GOLGA3: variants seen among roughly 807,000 people sequenced by gnomAD.
GOLGA3 encodes golgin subfamily A member 3.
Under a neutral mutation model 169.4 loss-of-function variants are expected in GOLGA3, and 75 were observed. That is an observed-to-expected ratio of 0.44 (90% CI 0.37 to 0.54). GOLGA3 has a LOEUF of 0.54. Ranked by LOEUF, GOLGA3 falls within the 20% of genes least tolerant of loss-of-function variation. GOLGA3 has a pLI of 0.00. For missense variants in GOLGA3, 1,899 were observed against 1,930.0 expected (o/e 0.98, Z 0.30); for synonymous variants, 824 against 822.4 (o/e 1.00, Z -0.03).
chr12:132,807,164 G>A lies in GOLGA3; in HGVS notation c.1290+13C>T, dbSNP rs756309528. On this transcript the variant is annotated intron_variant, in intron 6 of 23. Transcript: ENST00000450791. ...TTCGCCGCACGCTGAGATGTCAGTC[G>A]AACGTCCGTTACCTGACTCGCCTCC... is the stretch of plus-strand genomic sequence containing the variant. The A allele has an allele frequency of 2.6e-6, 4 of 1,533,936 alleles. No homozygotes were observed. Among genetic ancestry groups the A allele is most frequent in the Middle Eastern group, 1.7e-4 (1 of 5,962 alleles).
chr12:132,776,906 C>T (rs943753699), intron 20 of GOLGA3, 52 bp downstream of exon 20: 117 of 1,547,594 alleles, frequency 7.6e-5, no homozygotes, highest in Non-Finnish European at 1.0e-4. Context: ...GTGAAGTCAC[C>T]CAGGGCACCC....
rs146678000 is a variant in GOLGA3, at chr12:132,808,152, C to A, written c.917G>T (p.Ser306Ile). 103 of 1,612,114 alleles carry A rather than the reference C, an allele frequency of 6.4e-5. No individual in the cohort carries two copies. The Middle Eastern group carries it at 1.2e-3, about 18-fold the overall frequency. The change falls in exon 5 of 24, where the codon AGC (serine) becomes ATC (isoleucine). Residue 306 changes from serine to isoleucine, a missense_variant. Coordinates refer to ENST00000450791, the MANE Select transcript of GOLGA3 (RefSeq NM_001389683.1). Reference sequence around the variant, plus strand: ...GTCATTTCCATCCACCTCAGACACGCTGTCTCCAGCCAGGGAGGTGTTCTC... The same window carrying A: ...GTCATTTCCATCCACCTCAGACACGATGTCTCCAGCCAGGGAGGTGTTCTC... Reference protein sequence around the residue: ...RLENTSLAGDSVSEVDGNDSD... With the variant: ...RLENTSLAGDIVSEVDGNDSD...
At position 132,808,097 on chromosome 12, in the gene GOLGA3, G is replaced by A. The variant is rs1465059796; in HGVS notation, c.972C>T (p.Ser324=). The change falls in exon 5 of 24, where the codon TCC becomes TCT. Residue 324 remains serine, a synonymous_variant. Coordinates refer to ENST00000450791, the MANE Select transcript of GOLGA3 (RefSeq NM_001389683.1). ...ACAGAATGCCATAGGTCCCTCGGGTGGAGGCGCTGCTGTACGATGAGCTGT... is the reference window on the plus strand; with the variant it reads ...ACAGAATGCCATAGGTCCCTCGGGTAGAGGCGCTGCTGTACGATGAGCTGT... The part of the protein sequence containing the change: ...DSDSSSYSSA[S]TRGTYGILSK... 1.3e-6 allele frequency: 2 copies of A among 1,597,974 alleles called. No homozygotes were observed. Among genetic ancestry groups the A allele is most frequent in the East Asian group, 2.2e-5 (1 of 44,716 alleles).
chr12:132,799,405 C>T (rs370233492), intron 8 of GOLGA3, among the ~76,000 whole-genome samples: 3 of 152,206 alleles, frequency 2.0e-5, no homozygotes, highest in African/African-American at 4.8e-5. Flanking sequence ...AATCCCAGCA[C>T]GCTGGGAGGA....
intron 3 of GOLGA3, among the ~76,000 whole-genome samples, chr12:132,815,580 T>C (rs1417287745): frequency 6.6e-6 from 1 of 152,234 alleles, no homozygotes; most frequent in Admixed American, 6.5e-5. Flanking sequence ...GTTGTTGTTA[T>C]TTAGTTTTAA....
At chr12:132,826,101 G>A in intron 1 of GOLGA3, 2 of 1,510,784 alleles carry the variant, frequency 1.3e-6, no homozygotes, top group South Asian at 1.1e-5. Context: ...TGCCGGCCTT[G>A]CCGGCCTCTG....
Position 132,804,900 on chromosome 12 carries a change from G to A in GOLGA3, c.1413C>T (p.Asp471=). ...QRQDSLSSEV[D]TLKQSCWDLE... is the part of the protein sequence containing the mutation. ...GGTCCCAGCACGACTGCTTCAGGGT[G>A]TCCACCTCCGAGCTCAGCGAATCCT... Residue 471 remains aspartate (D), a synonymous_variant, in exon 7 of 24, where the codon GAC becomes GAT. Coordinates refer to ENST00000450791, the MANE Select transcript of GOLGA3 (RefSeq NM_001389683.1). The surrounding 1 kb of genome is among the most constrained non-coding windows in gnomAD (Gnocchi z 4.1). The A allele has an allele frequency of 6.2e-7, 1 of 1,614,016 alleles. No individual in the cohort carries two copies. Among genetic ancestry groups the A allele is most frequent in the Middle Eastern group, 1.6e-4 (1 of 6,062 alleles).
At chr12:132,774,937 A>T in intron 22 of GOLGA3, 1 of 571,442 alleles carries the variant, frequency 1.7e-6, no homozygotes, top group Non-Finnish European at 3.1e-6. Context: ...GAATTCACAG[A>T]ACGAGGAAAA....
chr12:132,800,363 G>A (rs942688832), intron 8 of GOLGA3, among the ~76,000 whole-genome samples: 6 of 150,586 alleles, frequency 4.0e-5, no homozygotes, highest in Non-Finnish European at 8.9e-5. Flanking sequence ...GCATGGTGGC[G>A]GGCGCCTGTA....
chr12:132,784,376 C>T (rs921804842), intron 15 of GOLGA3, 69 bp from the exon 16 acceptor site: 5 of 1,389,324 alleles, frequency 3.6e-6, no homozygotes, highest in Admixed American at 1.9e-5. Context: ...TCCTGTGGTG[C>T]CGGCAGGCAT....
intron 18 of GOLGA3, among the ~76,000 whole-genome samples, chr12:132,779,663 T>C (rs1441012140): frequency 6.6e-6 from 1 of 152,158 alleles, no homozygotes; most frequent in Admixed American, 6.5e-5. Context: ...AGTTATTTCT[T>C]GTGTTCCTCC....
chr12:132,802,129 C>A (rs886417019), intron 7 of GOLGA3, among the ~76,000 whole-genome samples, 160 bp from the exon 8 acceptor site: 3 of 152,268 alleles, frequency 2.0e-5, no homozygotes, highest in Admixed American at 6.5e-5. Context: ...GCCGTGAACA[C>A]GGCATTAGTG....
At chr12:132,797,004 G>A (rs898292867) in intron 9 of GOLGA3, among the ~76,000 whole-genome samples, 1 of 152,210 alleles carries the variant, frequency 6.6e-6, no homozygotes, top group Non-Finnish European at 1.5e-5. Context: ...AGTGAGACCC[G>A]GACATGCTCT....
In GOLGA3 at chr12:132,808,271, G is replaced by A. The variant is rs757537571; in HGVS notation, c.798C>T (p.Pro266=). 1.5e-5 allele frequency: 25 copies of A among 1,614,048 alleles called. No individual in the cohort carries two copies. Among genetic ancestry groups the A allele is most frequent in the South Asian group, 9.9e-5 (9 of 91,072 alleles). The stretch of plus-strand genomic sequence containing the variant: ...GCTTCAGGGAACCCTTGGTAGAATC[G>A]GGAGCCGGGACATTTCCCCCAGAAT... ...AGNSGGNVPA[P]DSTKGSLKQN... is the part of the protein sequence containing the mutation. Residue 266 remains proline (P), a synonymous_variant, in exon 5 of 24, where the codon CCC becomes CCT. Transcript: ENST00000450791.
Position 132,772,805 on chromosome 12 carries a change from G to A in GOLGA3, c.*300C>T, listed in dbSNP as rs2044971982. The A allele has an allele frequency of 3.5e-6, 1 of 282,944 alleles. No homozygotes were observed. The highest frequency in any genetic ancestry group is 4.9e-5 in the Admixed American group (1 of 20,288). 17.5% of individuals were successfully genotyped at this position (282,944 alleles called of 1,614,324 possible). A position where few individuals can be genotyped will look rare whatever the true frequency, so the allele number is the denominator to read the frequency against. ...AGCCTCTCCCTGTCACCCGCAGAGA[G>A]CAGCATCGGTGGCCGCTCAGAAGCC... is the stretch of plus-strand genomic sequence containing the variant. On this transcript the variant is annotated 3_prime_UTR_variant, in exon 24 of 24. Coordinates refer to ENST00000450791, the MANE Select transcript of GOLGA3 (RefSeq NM_001389683.1).
At chr12:132,774,347 T>C in intron 22 of GOLGA3, 27 bp from the exon 23 acceptor site, 1 of 1,607,814 alleles carries the variant, frequency 6.2e-7, no homozygotes, top group Non-Finnish European at 8.5e-7. Context: ...ATGATCAGCT[T>C]TCCCACCGTC....
At chr12:132,801,156 C>A (rs887762598) in intron 8 of GOLGA3, among the ~76,000 whole-genome samples, 9 of 152,244 alleles carry the variant, frequency 5.9e-5, no homozygotes, top group Non-Finnish European at 8.8e-5. Context: ...CACACTCCCA[C>A]ATATGCGGGA....
chr12:132,777,564 T>C lies in GOLGA3; in HGVS notation c.3722+102A>G. 7.4e-7 allele frequency: 1 copy of C among 1,356,344 alleles called. No individual in the cohort carries two copies. Among genetic ancestry groups the C allele is most frequent in the Non-Finnish European group, 1.0e-6 (1 of 984,092 alleles). 84.0% of individuals were successfully genotyped at this position (1,356,344 alleles called of 1,614,324 possible). A position where few individuals can be genotyped will look rare whatever the true frequency, so the allele number is the denominator to read the frequency against. ...ATGATTCACTCAAGTACTCGGCAAT[T>C]TGCAAAATATAGATGACCCTCGCTG... On this transcript the variant is annotated intron_variant, in intron 19 of 23. Coordinates refer to ENST00000450791, the MANE Select transcript of GOLGA3 (RefSeq NM_001389683.1). The surrounding 1 kb of genome is among the most constrained non-coding windows in gnomAD (Gnocchi z 4.7).
chr12:132,784,184 C>G lies in GOLGA3; in HGVS notation c.3247G>C (p.Val1083Leu), dbSNP rs190027232. The G allele has an allele frequency of 4.3e-6, 7 of 1,609,212 alleles. No individual in the cohort carries two copies. In the East Asian group the frequency reaches 1.6e-4, roughly 36 times the overall value. Residue 1083 changes from valine to leucine, a missense_variant, in exon 16 of 24, where the codon GTG becomes CTG. Coordinates refer to ENST00000450791, the MANE Select transcript of GOLGA3 (RefSeq NM_001389683.1). ...SQELEESREK[V>L]LELEDELQES... is the part of the protein sequence containing the mutation. ...CTCACCTCGTCCTCCAGCTCCAGCA[C>G]CTTCTCCCGGGACTCCTCCAGCTCC...
Sources: gnomAD v4.1 joint callset for allele counts (sites outside exome capture counted in the v4.1 genomes callset) on GRCh38, gnomAD v4.1.1 for gene constraint, Gnocchi (gnomAD v3.1) non-coding constraint, MANE v1.5 for transcripts, NCBI Gene and HGNC (gene_info 2026-07-23, HGNC 2026-07-21) for gene names.